The following WWP1 variants were observed in gnomAD, a reference collection of about 807,000 sequenced individuals.
WWP1 encodes NEDD4-like E3 ubiquitin-protein ligase WWP1.
In WWP1, 49 loss-of-function variants were observed where a neutral mutation model predicts 130.6. That is an observed-to-expected ratio of 0.38 (90% confidence interval 0.30 to 0.48). WWP1 has a LOEUF of 0.48. Among genes scored for constraint, WWP1 ranks in the 20% least tolerant of loss-of-function variants. WWP1 has a pLI of 0.99. For synonymous variants in WWP1, 332 were observed against 367.8 expected (o/e 0.90, Z 1.11); for missense variants, 809 against 1,100.6 (o/e 0.74, Z 3.75).
chr8:86,410,004 GT>G (rs1386634771), intron 8 of WWP1, among the ~76,000 whole-genome samples: 1 of 152,146 alleles, frequency 6.6e-6, no homozygotes, highest in Non-Finnish European at 1.5e-5. Flanking sequence ...CTTTTGGTTT[GT>G]TTTGAAAATA....
intron 3 of WWP1, among the ~76,000 whole-genome samples, chr8:86,374,775 A>G (rs1394228749): frequency 6.6e-6 from 1 of 151,932 alleles, no homozygotes; most frequent in Non-Finnish European, 1.5e-5. Context: ...GGTGGCGCAA[A>G]CATACCTCCT....
chr8:86,408,846 G>GT lies in WWP1; in HGVS notation c.725-2689dup, dbSNP rs931269209. On this transcript the variant is annotated intron_variant, in intron 8 of 24. Coordinates refer to ENST00000517970, the MANE Select transcript of WWP1 (RefSeq NM_007013.4). ...AATTGCTTGAACCTGGGGTGCTGAG[G>GT]TTTCAGTGAGCTGAGATCGCGCTAC... Among the ~76,000 whole-genome samples, 27 of 151,890 alleles carry GT rather than the reference G, an allele frequency of 1.8e-4. 1 individual carries two copies. Among genetic ancestry groups the GT allele is most frequent in the Admixed American group, 1.7e-3 (26 of 15,242 alleles).
intron 2 of WWP1, among the ~76,000 whole-genome samples, chr8:86,369,842 T>C (rs1485863865): frequency 1.3e-5 from 2 of 152,118 alleles, no homozygotes; most frequent in Non-Finnish European, 2.9e-5. Flanking sequence ...GTAATTACAC[T>C]TGATGAGTTA....
At chr8:86,383,290 C>G (rs184806497) in intron 5 of WWP1, among the ~76,000 whole-genome samples, 2 of 151,974 alleles carry the variant, frequency 1.3e-5, no homozygotes, top group African/African-American at 2.4e-5. Context: ...TAACCATATT[C>G]CCATTGTTGG....
intron 9 of WWP1, among the ~76,000 whole-genome samples, chr8:86,423,204 A>G (rs1289850908): frequency 6.6e-6 from 1 of 151,472 alleles, no homozygotes; most frequent in Non-Finnish European, 1.5e-5. Context: ...GGTAATTTTT[A>G]TTTTTATTTA....
At chr8:86,390,154 G>T (rs1048933534) in intron 5 of WWP1, among the ~76,000 whole-genome samples, 1 of 151,506 alleles carries the variant, frequency 6.6e-6, no homozygotes, top group Admixed American at 6.6e-5. Flanking sequence ...GGGCAGACAC[G>T]CTCCTCACTT....
In WWP1 at chr8:86,427,682, T is replaced by C; in HGVS notation, c.1197T>C (p.Tyr399=). The stretch of plus-strand genomic sequence containing the variant: ...TTGATGATCGTAGAAGAGTTTATTA[T>C]GTGGATCATAACACCAGAACAACAA... ...RRVDDRRRVY[Y]VDHNTRTTTW... The change falls in exon 11 of 25, where the codon TAT becomes TAC. Residue 399 remains tyrosine (Y), a synonymous_variant. Transcript: ENST00000517970. The C allele has an allele frequency of 6.2e-7, 1 of 1,613,710 alleles. No homozygotes were observed. The highest frequency in any genetic ancestry group is 8.5e-7 in the Non-Finnish European group (1 of 1,179,792).
At chr8:86,375,947 G>T (rs76322326) in intron 3 of WWP1, among the ~76,000 whole-genome samples, 2,238 of 152,300 alleles carry the variant, frequency 0.015, 23 homozygotes, top group Middle Eastern at 0.031. Context: ...CTTTGGGATT[G>T]TTCATAATTA....
At chr8:86,438,386 G>A (rs1266869922) in intron 16 of WWP1, among the ~76,000 whole-genome samples, 199 bp from the exon 17 acceptor site, 2 of 152,134 alleles carry the variant, frequency 1.3e-5, no homozygotes, top group Non-Finnish European at 2.9e-5. Flanking sequence ...ATGTGAAAGT[G>A]AGTCAGGAAA....
intron 5 of WWP1, among the ~76,000 whole-genome samples, chr8:86,389,535 G>A (rs1277499158): frequency 6.6e-6 from 1 of 152,180 alleles, no homozygotes; most frequent in African/African-American, 2.4e-5. Flanking sequence ...GAACAAAATG[G>A]AGTCTCTTAT....
In WWP1 at chr8:86,374,172, G is replaced by A. The variant is rs530035976; in HGVS notation, c.70+52G>A. On this transcript the variant is annotated intron_variant, in intron 3 of 24. Transcript: ENST00000517970. ...TGATTCCCTGATGAACTTTTCTTTT[G>A]AATACCTAATTCAGCAGACTTATTC... The A allele has an allele frequency of 8.9e-5, 125 of 1,410,260 alleles. No individual in the cohort carries two copies. In the East Asian group the frequency reaches 2.9e-3, roughly 33 times the overall value. The allele number at this position is 1,410,260 out of a possible 1,614,324, so 87.4% of individuals were successfully genotyped here. A position where few individuals can be genotyped will look rare whatever the true frequency, so the allele number is the denominator to read the frequency against.
At chr8:86,442,418 GT>G in intron 17 of WWP1, 200 bp from the exon 18 acceptor site, 1 of 401,220 alleles carries the variant, frequency 2.5e-6, no homozygotes, top group South Asian at 7.2e-5. Context: ...TGAATTTGTA[GT>G]TTGGCCACAT....
chr8:86,382,046 AAGAT>A (rs1238655994), intron 5 of WWP1, among the ~76,000 whole-genome samples: 3 of 152,112 alleles, frequency 2.0e-5, no homozygotes, highest in Non-Finnish European at 4.4e-5. Context: ...AAACATGAAG[AAGAT>A]AGACAATTAT....
chr8:86,457,968 A>C lies in WWP1; in HGVS notation c.2442A>C (p.Arg814Ser). 1 of 1,613,284 alleles carries C rather than the reference A, an allele frequency of 6.2e-7. No homozygotes were observed. Among genetic ancestry groups the C allele is most frequent in the Non-Finnish European group, 8.5e-7 (1 of 1,179,376 alleles). The change falls in exon 22 of 25, where the codon AGA becomes AGC. Residue 814 changes from arginine (R) to serine (S), a missense_variant. Around this residue, in one of 3 missense-constraint regions of WWP1, gnomAD observed 450 missense variants for 674.2 expected, o/e 0.67. Transcript: ENST00000517970. ...AGGTTGACTTGGCAGATTGGCAGAG[A>C]AATACTGTTTATCGACATTATACAA... ...MQEVDLADWQRNTVYRHYTRN... is the reference protein window; with the variant it reads ...MQEVDLADWQSNTVYRHYTRN...
intron 21 of WWP1, 44 bp from the exon 22 acceptor site, chr8:86,457,877 T>A (rs778527124): frequency 3.2e-6 from 5 of 1,568,072 alleles, no homozygotes; most frequent in Non-Finnish European, 4.4e-6. Flanking sequence ...ATTATTCTCT[T>A]CACTAAATCT....
At position 86,463,363 on chromosome 8, in the gene WWP1, G is replaced by A. The variant is rs149275487; in HGVS notation, c.2669+1517G>A. Among the ~76,000 whole-genome samples the A allele has an allele frequency of 9.8e-3, 1,495 of 152,134 alleles. 28 individuals carry two copies. Among genetic ancestry groups the A allele is most frequent in the African/African-American group, 0.034 (1,426 of 41,488 alleles). Reference sequence around the variant, plus strand: ...ACTCTGTCACCCAGTCTGGAGTGCAGTGGCACAATCTTGGCTCACTGCAAC... The same window carrying A: ...ACTCTGTCACCCAGTCTGGAGTGCAATGGCACAATCTTGGCTCACTGCAAC... On this transcript the variant is annotated intron_variant, in intron 24 of 24. Coordinates refer to ENST00000517970, the MANE Select transcript of WWP1 (RefSeq NM_007013.4).
At chr8:86,423,057 T>G (rs1384260588) in intron 9 of WWP1, among the ~76,000 whole-genome samples, 2 of 143,716 alleles carry the variant, frequency 1.4e-5, no homozygotes, top group Non-Finnish European at 1.5e-5. Flanking sequence ...AGTTGAAGGT[T>G]TCTTCATTTT....
intron 7 of WWP1, among the ~76,000 whole-genome samples, chr8:86,400,222 C>T (rs919048205): frequency 6.6e-6 from 1 of 151,934 alleles, no homozygotes; most frequent in African/African-American, 2.4e-5. Flanking sequence ...ATCCCAGCTA[C>T]TCAGGAGTCT....
chr8:86,345,594 T>A (rs1477936967), intron 1 of WWP1, among the ~76,000 whole-genome samples: 1 of 151,676 alleles, frequency 6.6e-6, no homozygotes, highest in African/African-American at 2.4e-5. Flanking sequence ...ATTTTTTTTT[T>A]AGAGATGGGG....
Sources: gnomAD v4.1 joint callset for allele counts (sites outside exome capture counted in the v4.1 genomes callset) on GRCh38, gnomAD v4.1.1 for gene constraint, gnomAD v4.1.1 regional missense constraint, MANE v1.5 for transcripts, NCBI Gene and HGNC (gene_info 2026-07-23, HGNC 2026-07-21) for gene names.